The following NAV3 variants were observed in gnomAD, a reference collection of about 807,000 sequenced individuals.
NAV3 encodes the protein neuron navigator 3, also known as pore membrane and/or filament interacting like protein 1.
In NAV3, 87 loss-of-function variants were observed where a neutral mutation model predicts 244.7. The observed-to-expected ratio is 0.36, with a 90% CI of 0.30 to 0.42. The LOEUF (loss-of-function observed/expected upper bound fraction) is 0.42, where lower values mean the gene tolerates loss of function less well. NAV3 is among the 20% of genes least tolerant of loss of function. The pLI is 1.00. For missense variants in NAV3, 2,663 were observed against 2,893.3 expected (o/e 0.92, Z 1.83); for synonymous variants, 1,126 against 1,042.2 (o/e 1.08, Z -1.55).
intron 2 of NAV3, among the ~76,000 whole-genome samples, chr12:77,693,052 C>T (rs1875110368): frequency 1.3e-5 from 2 of 152,010 alleles, no homozygotes; most frequent in South Asian, 2.1e-4. Flanking sequence ...TAAAAGCCCT[C>T]CAAAAAATAG....
intron 1 of NAV3, among the ~76,000 whole-genome samples, chr12:77,878,419 G>C (rs1050676159): frequency 6.6e-6 from 1 of 151,900 alleles, no homozygotes; most frequent in Non-Finnish European, 1.5e-5. Context: ...AGTAGAGACA[G>C]GGTTTCACCA....
intron 1 of NAV3, among the ~76,000 whole-genome samples, chr12:77,921,237 A>G (rs1348944957): frequency 6.6e-6 from 1 of 152,130 alleles, no homozygotes. Flanking sequence ...AATTCTAAAA[A>G]TGTTAATATT....
intron 2 of NAV3, among the ~76,000 whole-genome samples, chr12:77,753,589 A>C (rs927138528): frequency 3.3e-5 from 5 of 152,176 alleles, no homozygotes; most frequent in African/African-American, 1.2e-4. Flanking sequence ...GGTCATATTG[A>C]GAATGATGAT....
At chr12:78,191,905 G>T (rs1257281848) in intron 34 of NAV3, among the ~76,000 whole-genome samples, 2 of 152,098 alleles carry the variant, frequency 1.3e-5, no homozygotes, top group Admixed American at 6.6e-5. Context: ...ATAAAAAAGT[G>T]TTTAGAAAAT....
chr12:77,756,219 CATT>C (rs1278434838), intron 2 of NAV3, among the ~76,000 whole-genome samples: 4 of 151,948 alleles, frequency 2.6e-5, no homozygotes, highest in Non-Finnish European at 5.9e-5. Flanking sequence ...TTAATGTTAT[CATT>C]ATTGTTATTA....
intron 2 of NAV3, among the ~76,000 whole-genome samples, chr12:77,708,642 A>G (rs1282913148): frequency 3.3e-5 from 5 of 152,084 alleles, no homozygotes; most frequent in Non-Finnish European, 7.4e-5. Flanking sequence ...TCTATAAATT[A>G]CCTTGGGCAG....
chr12:77,862,913 T>A (rs1053150736), intron 1 of NAV3, among the ~76,000 whole-genome samples: 4 of 151,720 alleles, frequency 2.6e-5, no homozygotes, highest in Non-Finnish European at 5.9e-5. Flanking sequence ...GTAAGCTTCA[T>A]CTTTTTTCAC....
intron 3 of NAV3, among the ~76,000 whole-genome samples, chr12:77,961,647 TTATTAC>T (rs1892017605): frequency 6.8e-6 from 1 of 146,312 alleles, no homozygotes; most frequent in African/African-American, 2.5e-5. Flanking sequence ...ATGCAATATA[TTATTAC>T]ATTATATATA....
At chr12:77,790,435 G>A (rs1272150194) in intron 2 of NAV3, among the ~76,000 whole-genome samples, 5 of 152,184 alleles carry the variant, frequency 3.3e-5, no homozygotes, top group African/African-American at 4.8e-5. Context: ...GTATCATGGA[G>A]TGAGTAATTT....
chr12:77,986,595 A>T (rs1870558150), intron 5 of NAV3, among the ~76,000 whole-genome samples: 1 of 152,036 alleles, frequency 6.6e-6, no homozygotes, highest in African/African-American at 2.4e-5. Context: ...AGCAAATTTG[A>T]TTCTTGAGGT....
At chr12:78,183,780 C>T (rs897777251) in intron 30 of NAV3, among the ~76,000 whole-genome samples, 1 of 151,844 alleles carries the variant, frequency 6.6e-6, no homozygotes, top group Admixed American at 6.6e-5. Context: ...TCAGGCCAAC[C>T]TCCTTTGCTA....
At chr12:77,782,599 A>G (rs1384495214) in intron 2 of NAV3, among the ~76,000 whole-genome samples, 1 of 152,190 alleles carries the variant, frequency 6.6e-6, no homozygotes, top group Non-Finnish European at 1.5e-5. Context: ...GTACACTGGT[A>G]GCTTACTTTG....
At chr12:77,815,279 G>A (rs192794368) in intron 2 of NAV3, among the ~76,000 whole-genome samples, 10 of 152,236 alleles carry the variant, frequency 6.6e-5, no homozygotes, top group Admixed American at 5.9e-4. Context: ...TTATATTGAA[G>A]CACATGAGGG....
At chr12:77,965,809 CATCT>C (rs772269434) in intron 3 of NAV3, among the ~76,000 whole-genome samples, 17 of 152,252 alleles carry the variant, frequency 1.1e-4, no homozygotes, top group East Asian at 1.9e-4. Flanking sequence ...AACCTGTCTC[CATCT>C]ATCTATCTTT....
At chr12:78,163,799 C>T (rs576191888) in intron 23 of NAV3, among the ~76,000 whole-genome samples, 111 of 152,094 alleles carry the variant, frequency 7.3e-4, no homozygotes, top group South Asian at 2.1e-4. Flanking sequence ...ATGATATTGG[C>T]GTAGTTTGAC....
chr12:78,118,503 C>G (rs1955523789), intron 14 of NAV3, among the ~76,000 whole-genome samples: 1 of 152,222 alleles, frequency 6.6e-6, no homozygotes, highest in African/African-American at 2.4e-5. Context: ...TAGGCATTCT[C>G]TGGAAAGCCT....
In NAV3 at chr12:78,118,253, C is replaced by A. The variant is rs767113619; in HGVS notation, c.2996C>A (p.Ala999Glu). Reference protein sequence around the residue: ...WRRGMSAQGGAPSRQKAGTSA... With the variant: ...WRRGMSAQGGEPSRQKAGTSA... The stretch of plus-strand genomic sequence containing the variant: ...AGAGGCATGTCTGCCCAAGGAGGGG[C>A]GCCATCTAGGCAGAAAGCTGGAACA... Residue 999 changes from alanine (A) to glutamate (E), a missense_variant, in exon 14 of 40, where the codon GCG (alanine) becomes GAG (glutamate). Coordinates refer to ENST00000397909, the MANE Select transcript of NAV3 (RefSeq NM_001024383.2). 1 of 1,612,466 alleles carries A rather than the reference C, an allele frequency of 6.2e-7. No homozygotes were observed. The highest frequency in any genetic ancestry group is 8.5e-7 in the Non-Finnish European group (1 of 1,178,842).
At chr12:77,719,288 G>A (rs1222838425) in intron 2 of NAV3, among the ~76,000 whole-genome samples, 1 of 151,908 alleles carries the variant, frequency 6.6e-6, no homozygotes, top group Non-Finnish European at 1.5e-5. Flanking sequence ...TTATGACTTG[G>A]ATGCCTTTTC....
Position 77,743,873 on chromosome 12 carries a change from A to G in NAV3, c.72+171607A>G, listed in dbSNP as rs113231104. Among the ~76,000 whole-genome samples, 246 of 151,948 alleles carry G rather than the reference A, an allele frequency of 1.6e-3. 1 individual carries two copies. Among genetic ancestry groups the G allele is most frequent in the African/African-American group, 5.7e-3 (238 of 41,524 alleles). On this transcript the variant is annotated intron_variant, in intron 2 of 8. Transcript: ENST00000550042. The stretch of plus-strand genomic sequence containing the variant: ...TATTTCTAATACACTGTTTGGCATC[A>G]TCAGTATAATACAAGAAGAAGAGGT...
Sources: allele counts gnomAD v4.1 joint callset (sites outside exome capture counted in the v4.1 genomes callset), GRCh38; gene constraint gnomAD v4.1.1; transcripts MANE v1.5; gene names NCBI Gene and HGNC (gene_info 2026-07-23, HGNC 2026-07-21).